OR6B3: variants seen among roughly 807,000 people sequenced by gnomAD.
OR6B3 encodes olfactory receptor 6B3.
For missense variants in OR6B3, 315 were observed against 427.4 expected, an observed-to-expected ratio of 0.74 and a Z score of 2.32; for synonymous variants, 148 against 187.8, an observed-to-expected ratio of 0.79 and a Z score of 1.73.
upstream of OR6B3, among the ~76,000 whole-genome samples, chr2:240,050,474 G>A (rs546004549): frequency 2.0e-5 from 3 of 152,300 alleles, no homozygotes; most frequent in African/African-American, 7.2e-5. Context: ...CAGCCCTTTG[G>A]GAGGCCGAGG....
At chr2:240,053,416 G>A in the OR6B3 span, among the ~76,000 whole-genome samples, 1 of 152,168 alleles carries the variant, frequency 6.6e-6, no homozygotes, top group Non-Finnish European at 1.5e-5. The surrounding 1 kb of genome is among the most constrained non-coding windows in gnomAD (Gnocchi z 4.1). Context: ...TCGCAGCATG[G>A]CCCCTCTCTC....
upstream of OR6B3, among the ~76,000 whole-genome samples, chr2:240,048,272 T>C (rs1698217570): frequency 6.6e-6 from 1 of 152,148 alleles, no homozygotes; most frequent in Admixed American, 6.5e-5. Flanking sequence ...TAGAACTGTG[T>C]AAAGTGGAGT....
At chr2:240,045,619 C>T (rs1385409597) in exon 2 of OR6B3, 2 of 1,440,656 alleles carry the variant, frequency 1.4e-6, no homozygotes, top group African/African-American at 1.4e-5. Flanking sequence ...ATGGTGAAGC[C>T]ACTCACAAAG....
exon 2 of OR6B3, chr2:240,045,786 C>T (rs1482589303): frequency 6.8e-7 from 1 of 1,476,896 alleles, no homozygotes; most frequent in Non-Finnish European, 9.5e-7. Flanking sequence ...CGTCATGCAC[C>T]CGACGAAAGA....
chr2:240,050,334 C>T (rs1574920436), upstream of OR6B3, among the ~76,000 whole-genome samples: 5 of 152,288 alleles, frequency 3.3e-5, no homozygotes, highest in South Asian at 1.0e-3. Flanking sequence ...ATTTCAGACC[C>T]CAAATGGTCT....
the OR6B3 span, among the ~76,000 whole-genome samples, chr2:240,052,730 C>T: frequency 1.3e-5 from 2 of 152,220 alleles, no homozygotes; most frequent in East Asian, 1.9e-4. The surrounding 1 kb of genome is among the most constrained non-coding windows in gnomAD (Gnocchi z 4.5). Context: ...GCTGGAAGCC[C>T]GTGGGCCCGA....
upstream of OR6B3, among the ~76,000 whole-genome samples, chr2:240,050,548 T>C (rs147890642): frequency 6.1e-3 from 928 of 152,092 alleles, 15 homozygotes; most frequent in African/African-American, 0.021. Flanking sequence ...AACCTGTCTC[T>C]ACTAAAAATA....
chr2:240,045,352 A>G (rs1698167078), exon 2 of OR6B3: 2 of 1,614,094 alleles, frequency 1.2e-6, no homozygotes, highest in Non-Finnish European at 1.7e-6. Context: ...TGAGAGGCGC[A>G]GGTGAAGAAG....
rs990459289 is a variant in OR6B3, at chr2:240,045,850, A to C, written c.223T>G (p.Ser75Ala). The C allele has an allele frequency of 1.9e-6, 3 of 1,612,576 alleles. No homozygotes were observed. In the Admixed American group the frequency reaches 5.0e-5, roughly 27 times the overall value. ...TCCAGCATCTTGGGGGTGATGTCAGACACGTACCAGATCTCTAGGAAAGAC... is the reference window on the plus strand; with the variant it reads ...TCCAGCATCTTGGGGGTGATGTCAGCCACGTACCAGATCTCTAGGAAAGAC... Residue 75 changes from serine (S) to alanine (A), a missense_variant, in exon 2 of 2, where the codon TCT becomes GCT. Ser to Ala is a moderately conservative substitution (Grantham distance 99, BLOSUM62 1). Transcript: ENST00000641019.
upstream of OR6B3, among the ~76,000 whole-genome samples, chr2:240,051,032 C>T (rs901655484): frequency 6.6e-6 from 1 of 152,066 alleles, no homozygotes; most frequent in African/African-American, 2.4e-5. Flanking sequence ...GCATAAAAAT[C>T]ATTTTTTATG....
At chr2:240,051,963 G>T (rs1698259850), upstream of OR6B3, among the ~76,000 whole-genome samples, 1 of 152,198 alleles carries the variant, frequency 6.6e-6, no homozygotes, top group South Asian at 2.1e-4. Flanking sequence ...AGGGCTCTTT[G>T]TTGTAACTAC....
chr2:240,045,674 G>T (rs574296661), exon 2 of OR6B3: 1 of 1,352,796 alleles, frequency 7.4e-7, no homozygotes, highest in Admixed American at 1.8e-5. Context: ...TCACAAGGAC[G>T]TGGTAGCGCA....
the OR6B3 span, among the ~76,000 whole-genome samples, chr2:240,052,394 TAC>T: frequency 1.3e-5 from 2 of 151,838 alleles, no homozygotes; most frequent in South Asian, 4.2e-4. The surrounding 1 kb of genome is among the most constrained non-coding windows in gnomAD (Gnocchi z 4.5). Context: ...ATAGAAAAAC[TAC>T]AATAAAAATA....
upstream of OR6B3, among the ~76,000 whole-genome samples, chr2:240,049,445 A>G (rs115147272): frequency 2.2e-4 from 33 of 152,328 alleles, no homozygotes; most frequent in African/African-American, 7.5e-4. Flanking sequence ...AGGGTAGCAG[A>G]GAGGCAGCCT....
upstream of OR6B3, among the ~76,000 whole-genome samples, chr2:240,047,438 C>T (rs1435851812): frequency 5.3e-5 from 8 of 152,298 alleles, no homozygotes; most frequent in South Asian, 1.7e-3. Context: ...TGAAACAGCA[C>T]TGATCGTATG....
upstream of OR6B3, among the ~76,000 whole-genome samples, chr2:240,049,955 A>G (rs944365790): frequency 5.3e-5 from 8 of 152,172 alleles, no homozygotes; most frequent in African/African-American, 1.9e-4. Flanking sequence ...AGTCCTTAAA[A>G]ATTTTAATAG....
upstream of OR6B3, among the ~76,000 whole-genome samples, chr2:240,049,880 C>G (rs1457600940): frequency 2.0e-5 from 3 of 152,040 alleles, no homozygotes; most frequent in Admixed American, 6.6e-5. Context: ...TGTTTTGCCT[C>G]ATTTTCAGAT....
chr2:240,048,837 A>G (rs1698224476), upstream of OR6B3, among the ~76,000 whole-genome samples: 1 of 152,230 alleles, frequency 6.6e-6, no homozygotes, highest in African/African-American at 2.4e-5. Flanking sequence ...TATAAAATGT[A>G]CAACTAGAGG....
chr2:240,045,289 G>A (rs1345237205), exon 2 of OR6B3: 1 of 1,614,238 alleles, frequency 6.2e-7, no homozygotes, highest in African/African-American at 1.3e-5. Flanking sequence ...ATGGCCTGGG[G>A]CCGGACATAC....
Sources: gnomAD v4.1 joint callset for allele counts (sites outside exome capture counted in the v4.1 genomes callset) on GRCh38, gnomAD v4.1.1 for gene constraint, Gnocchi (gnomAD v3.1) non-coding constraint, MANE v1.5 for transcripts, NCBI Gene and HGNC (gene_info 2026-07-23, HGNC 2026-07-21) for gene names.